DLGAP2: variants seen among roughly 807,000 people sequenced by gnomAD.
DLGAP2 encodes disks large-associated protein 2.
Under a neutral mutation model 100.3 loss-of-function variants are expected in DLGAP2, and 26 were observed. That is an observed-to-expected ratio of 0.26 (90% CI 0.19 to 0.36). DLGAP2 has a LOEUF of 0.36. DLGAP2 is among the 10% of genes least tolerant of loss of function. The pLI, the probability that DLGAP2 is intolerant of heterozygous loss-of-function variation, is 1.00. For synonymous variants in DLGAP2, 886 were observed against 630.1 expected, an observed-to-expected ratio of 1.41 and a Z score of -6.08; for missense variants, 1,858 against 1,453.2, an observed-to-expected ratio of 1.28 and a Z score of -4.53.
At chr8:1,422,347 T>C (rs1317395675) in intron 3 of DLGAP2, among the ~76,000 whole-genome samples, 1 of 152,082 alleles carries the variant, frequency 6.6e-6, no homozygotes, top group East Asian at 1.9e-4. Context: ...ACCTGTGAAA[T>C]TTCCGTCCAC....
intron 2 of DLGAP2, among the ~76,000 whole-genome samples, chr8:1,183,785 C>A (rs1399449993): frequency 6.6e-6 from 1 of 152,316 alleles, no homozygotes; most frequent in Middle Eastern, 3.4e-3. Flanking sequence ...TAATTCTAAA[C>A]GAAGCTGCAG....
chr8:1,307,435 T>C lies in DLGAP2; in HGVS notation c.106+48552T>C, dbSNP rs373748655. Among the ~76,000 whole-genome samples the C allele has an allele frequency of 3.3e-5, 5 of 152,192 alleles. No homozygotes were observed. In the East Asian group the frequency reaches 9.6e-4, roughly 29 times the overall value. ...CATTTTTGGTGAGAATATAGAAAGATGTTCCCATCATGGAAAATGATATGG... is the reference window on the plus strand; with the variant it reads ...CATTTTTGGTGAGAATATAGAAAGACGTTCCCATCATGGAAAATGATATGG... On this transcript the variant is annotated intron_variant, in intron 3 of 14. Transcript: ENST00000637795.
chr8:797,438 C>A (rs923892905), intron 1 of DLGAP2, among the ~76,000 whole-genome samples: 2 of 152,112 alleles, frequency 1.3e-5, no homozygotes, highest in East Asian at 3.8e-4. Flanking sequence ...TGCCACATTT[C>A]GCCTTTCCAT....
intron 3 of DLGAP2, among the ~76,000 whole-genome samples, chr8:1,336,050 C>T (rs1453029997): frequency 2.6e-5 from 4 of 152,248 alleles, no homozygotes; most frequent in Admixed American, 1.3e-4. Flanking sequence ...GCTGGGCGTT[C>T]AGCCCGTCTC....
At chr8:1,176,232 C>T (rs150078952) in intron 2 of DLGAP2, among the ~76,000 whole-genome samples, 1 of 152,138 alleles carries the variant, frequency 6.6e-6, no homozygotes, top group African/African-American at 2.4e-5. Context: ...CTGCCACTTT[C>T]AAACCATCAG....
intron 3 of DLGAP2, among the ~76,000 whole-genome samples, chr8:1,495,666 G>A (rs1158871297): frequency 2.0e-5 from 3 of 152,146 alleles, no homozygotes; most frequent in African/African-American, 7.2e-5. Context: ...TTGTGCTGAC[G>A]TGGACATCTT....
chr8:1,433,721 A>C (rs868285046), intron 3 of DLGAP2, among the ~76,000 whole-genome samples: 1 of 145,740 alleles, frequency 6.9e-6, no homozygotes, highest in African/African-American at 2.5e-5. Flanking sequence ...ATAAATACAC[A>C]GATGAGGCAA....
At chr8:1,563,741 C>T (rs2130568916) in intron 5 of DLGAP2, among the ~76,000 whole-genome samples, 2 of 152,170 alleles carry the variant, frequency 1.3e-5, no homozygotes, top group East Asian at 3.9e-4. Context: ...TCTGCCGGAG[C>T]ACTGGTGTGG....
chr8:786,189 G>T (rs1190366595), intron 1 of DLGAP2, among the ~76,000 whole-genome samples: 1 of 152,196 alleles, frequency 6.6e-6, no homozygotes, highest in Non-Finnish European at 1.5e-5. Flanking sequence ...CCCCTCTTCA[G>T]TCTCGGCCTC....
At chr8:1,294,115 C>A (rs1266726546) in intron 3 of DLGAP2, among the ~76,000 whole-genome samples, 1 of 152,052 alleles carries the variant, frequency 6.6e-6, no homozygotes, top group East Asian at 1.9e-4. Flanking sequence ...AGCAGGTGGT[C>A]CCTCAGGGCA....
intron 2 of DLGAP2, among the ~76,000 whole-genome samples, chr8:1,018,261 A>T (rs569659603): frequency 1.3e-5 from 2 of 152,270 alleles, no homozygotes; most frequent in African/African-American, 4.8e-5. Flanking sequence ...CTGACACCAT[A>T]GGACTTCCTT....
intron 1 of DLGAP2, among the ~76,000 whole-genome samples, chr8:783,722 T>C (rs543626256): frequency 6.6e-6 from 1 of 152,254 alleles, no homozygotes; most frequent in South Asian, 2.1e-4. Flanking sequence ...CTTCCCCCTC[T>C]TATGAAAGAG....
chr8:1,626,961 T>C, intron 7 of DLGAP2, 74 bp downstream of exon 7: 1 of 1,508,780 alleles, frequency 6.6e-7, no homozygotes. Flanking sequence ...CCCGGCCGCA[T>C]AGGTGGCGAT....
chr8:1,365,488 T>G (rs527572880), intron 3 of DLGAP2, among the ~76,000 whole-genome samples: 3 of 152,228 alleles, frequency 2.0e-5, no homozygotes, highest in East Asian at 3.9e-4. Flanking sequence ...AAACTGCAGT[T>G]ACTGAGCAGG....
At chr8:1,480,227 GT>G (rs1177873870) in intron 3 of DLGAP2, among the ~76,000 whole-genome samples, 2 of 152,136 alleles carry the variant, frequency 1.3e-5, no homozygotes, top group African/African-American at 4.8e-5. Context: ...CTAGATGTAG[GT>G]TTTCAGTCTC....
At chr8:1,345,122 C>G (rs1028657620) in intron 3 of DLGAP2, among the ~76,000 whole-genome samples, 2 of 152,224 alleles carry the variant, frequency 1.3e-5, no homozygotes, top group African/African-American at 4.8e-5. Flanking sequence ...ATATAAATGA[C>G]ATAATTCGGT....
chr8:1,005,921 TCA>T (rs1387660117), intron 2 of DLGAP2, among the ~76,000 whole-genome samples: 1 of 152,106 alleles, frequency 6.6e-6, no homozygotes, highest in African/African-American at 2.4e-5. Flanking sequence ...CAAAGAAATC[TCA>T]CACCCTGGTC....
intron 3 of DLGAP2, among the ~76,000 whole-genome samples, chr8:1,371,346 A>T (rs932047348): frequency 7.9e-5 from 12 of 152,138 alleles, no homozygotes; most frequent in African/African-American, 2.9e-4. Flanking sequence ...ATCCTCGTGG[A>T]TGGCATTTGC....
intron 2 of DLGAP2, among the ~76,000 whole-genome samples, chr8:1,194,924 G>C (rs528401839): frequency 4.2e-4 from 64 of 152,356 alleles, no homozygotes; most frequent in African/African-American, 1.5e-3. Flanking sequence ...TGGGCGTTCA[G>C]TTGTCAACTA....
Sources: gnomAD v4.1 joint callset for allele counts (sites outside exome capture counted in the v4.1 genomes callset) on GRCh38, gnomAD v4.1.1 for gene constraint, MANE v1.5 for transcripts, NCBI Gene and HGNC (gene_info 2026-07-23, HGNC 2026-07-21) for gene names.